The following FMN2 variants were observed in gnomAD, a reference collection of about 807,000 sequenced individuals.
The protein encoded by FMN2 is formin-2.
FMN2 carries 51 observed loss-of-function variants against 142.3 expected under a neutral mutation model. The observed-to-expected ratio is 0.36, with a 90% confidence interval of 0.29 to 0.45. FMN2 has a LOEUF of 0.45. Ranked by LOEUF, FMN2 falls within the 20% of genes least tolerant of loss-of-function variation. FMN2 has a pLI of 1.00. For missense variants in FMN2, 1,936 were observed against 2,122.8 expected (o/e 0.91, Z 1.73); for synonymous variants, 882 against 869.8 (o/e 1.01, Z -0.25).
intron 16 of FMN2, among the ~76,000 whole-genome samples, chr1:240,438,511 AC>A (rs2103181009): frequency 6.6e-6 from 1 of 152,320 alleles, no homozygotes; most frequent in Admixed American, 6.5e-5. Context: ...GGCTGGAACA[AC>A]CCTGCTGCAA....
At chr1:240,359,941 T>G (rs1334606690) in intron 14 of FMN2, among the ~76,000 whole-genome samples, 1 of 152,224 alleles carries the variant, frequency 6.6e-6, no homozygotes, top group African/African-American at 2.4e-5. Flanking sequence ...ATGCACAGTA[T>G]AGCATACACT....
chr1:240,287,440 T>C (rs1357615902), intron 7 of FMN2, among the ~76,000 whole-genome samples: 1 of 152,214 alleles, frequency 6.6e-6, no homozygotes, highest in Non-Finnish European at 1.5e-5. Context: ...AAAGAGGGCA[T>C]GAACCGTAAA....
intron 1 of FMN2, among the ~76,000 whole-genome samples, chr1:240,114,932 A>G (rs538666760): frequency 1.3e-5 from 2 of 152,304 alleles, no homozygotes; most frequent in East Asian, 3.9e-4. Flanking sequence ...CTGGGATTAC[A>G]GGCGTGAGCC....
At chr1:240,251,242 T>G (rs911649027) in intron 6 of FMN2, among the ~76,000 whole-genome samples, 9 of 152,068 alleles carry the variant, frequency 5.9e-5, no homozygotes, top group African/African-American at 2.2e-4. Context: ...ACTAGTTTTG[T>G]TGTATCTCAT....
intron 6 of FMN2, among the ~76,000 whole-genome samples, chr1:240,252,109 A>G (rs1479637050): frequency 6.6e-6 from 1 of 151,986 alleles, no homozygotes; most frequent in Non-Finnish European, 1.5e-5. Context: ...AGATTTCACC[A>G]TTTCGGCCAG....
chr1:240,128,249 CT>C (rs1662591489), intron 2 of FMN2, among the ~76,000 whole-genome samples: 1 of 152,132 alleles, frequency 6.6e-6, no homozygotes, highest in Non-Finnish European at 1.5e-5. Flanking sequence ...TCTCTCATGC[CT>C]TTTTCCAAAT....
At chr1:240,144,159 A>T (rs1390607365) in intron 2 of FMN2, 2 of 1,399,110 alleles carry the variant, frequency 1.4e-6, no homozygotes, top group African/African-American at 2.8e-5. Flanking sequence ...TGCACTCAAC[A>T]TTCCGTGGTC....
chr1:240,283,858 T>G (rs1373086005), intron 7 of FMN2, among the ~76,000 whole-genome samples: 1 of 152,210 alleles, frequency 6.6e-6, no homozygotes, highest in Non-Finnish European at 1.5e-5. Context: ...AGAGCCATAC[T>G]TTCCAGTTTC....
At chr1:240,119,850 A>G (rs1028725456) in intron 1 of FMN2, among the ~76,000 whole-genome samples, 2 of 152,276 alleles carry the variant, frequency 1.3e-5, no homozygotes, top group African/African-American at 4.8e-5. Context: ...TGTCATATAC[A>G]TTATCTGAGC....
At chr1:240,111,410 G>A (rs976407310) in intron 1 of FMN2, among the ~76,000 whole-genome samples, 2 of 152,264 alleles carry the variant, frequency 1.3e-5, no homozygotes, top group South Asian at 2.1e-4. Context: ...GAGCAGCCCC[G>A]AGGGCTGCTG....
At chr1:240,384,447 G>T (rs1199272051) in intron 14 of FMN2, among the ~76,000 whole-genome samples, 2 of 152,066 alleles carry the variant, frequency 1.3e-5, no homozygotes, top group Admixed American at 1.3e-4. Context: ...CTTTTCCATT[G>T]TATTTCCAGT....
At chr1:240,290,793 G>T (rs2356228) in intron 7 of FMN2, among the ~76,000 whole-genome samples, 38,553 of 84,168 alleles carry the variant, frequency 0.46, 8,423 homozygotes, top group African/African-American at 0.69. Flanking sequence ...TTTTTTTTTT[G>T]TTTTTTTTTT....
rs139567827 is a variant in FMN2, at chr1:240,256,550, C to T, written c.4066-1395C>T. ...GGTCAGGAGTTCGAGACCTTCCTGG[C>T]CAACATGGTGAAACTCGGTCTCCAC... On this transcript the variant is annotated intron_variant, in intron 6 of 17. Coordinates refer to ENST00000319653, the MANE Select transcript of FMN2 (RefSeq NM_020066.5). 8.2e-3 allele frequency among the ~76,000 whole-genome samples: 1,209 copies of T among 147,060 alleles called. 21 individuals carry two copies. Among genetic ancestry groups the T allele is most frequent in the African/African-American group, 0.029 (1,153 of 39,674 alleles).
chr1:240,181,279 C>G (rs1037945125), intron 3 of FMN2, among the ~76,000 whole-genome samples: 1 of 152,226 alleles, frequency 6.6e-6, no homozygotes, highest in African/African-American at 2.4e-5. Flanking sequence ...GCTGGGATTA[C>G]AGGCGTGAGC....
chr1:240,243,781 T>C (rs1056473449), intron 6 of FMN2, among the ~76,000 whole-genome samples: 5 of 152,224 alleles, frequency 3.3e-5, no homozygotes, highest in African/African-American at 1.2e-4. Flanking sequence ...CAAAGACATG[T>C]CCTGAAATAT....
intron 7 of FMN2, among the ~76,000 whole-genome samples, chr1:240,273,323 T>A (rs1558405407): frequency 1.3e-5 from 2 of 152,184 alleles, no homozygotes; most frequent in African/African-American, 4.8e-5. Context: ...GGTGTTTTTA[T>A]CTCCATCTTC....
At chr1:240,205,880 T>TG (rs200032109) in intron 4 of FMN2, among the ~76,000 whole-genome samples, 3,184 of 148,368 alleles carry the variant, frequency 0.021, 116 homozygotes, top group African/African-American at 0.076. Flanking sequence ...TGGCCAGTTG[T>TG]TATCAGCCAT....
intron 13 of FMN2, among the ~76,000 whole-genome samples, chr1:240,337,104 A>C (rs561674372): frequency 6.6e-6 from 1 of 151,900 alleles, no homozygotes; most frequent in Admixed American, 6.6e-5. Flanking sequence ...ACTAAATGGG[A>C]GTCAAACGGA....
chr1:240,242,678 T>G (rs2102871068), intron 6 of FMN2, among the ~76,000 whole-genome samples: 1 of 152,248 alleles, frequency 6.6e-6, no homozygotes, highest in South Asian at 2.1e-4. Flanking sequence ...TTGGTAACCT[T>G]ACCAAATTCC....
Sources: allele counts gnomAD v4.1 joint callset (sites outside exome capture counted in the v4.1 genomes callset), GRCh38; gene constraint gnomAD v4.1.1; transcripts MANE v1.5; gene names NCBI Gene and HGNC (gene_info 2026-07-23, HGNC 2026-07-21).